Variants in ANAPC10 observed in about 807,000 individuals in gnomAD.
ANAPC10 encodes anaphase-promoting complex subunit 10.
ANAPC10 carries 12 observed loss-of-function variants against 22.0 expected under a neutral mutation model. That is an observed-to-expected ratio of 0.55 (90% CI 0.35 to 0.88). The LOEUF (loss-of-function observed/expected upper bound fraction) is 0.88. ANAPC10 is among the 40% of genes least tolerant of loss of function. ANAPC10 has a pLI of 0.01. For missense variants in ANAPC10, 188 were observed against 220.9 expected (o/e 0.85, Z 0.94); for synonymous variants, 65 against 69.5 (o/e 0.94, Z 0.32).
At chr4:145,044,622 A>G (rs1025523724) in intron 4 of ANAPC10, among the ~76,000 whole-genome samples, 2 of 152,048 alleles carry the variant, frequency 1.3e-5, no homozygotes, top group African/African-American at 2.4e-5. Flanking sequence ...AAGTGTTTCT[A>G]TTATACTGAC....
chr4:145,050,146 G>C (rs1156950229), intron 4 of ANAPC10, among the ~76,000 whole-genome samples: 1 of 152,164 alleles, frequency 6.6e-6, no homozygotes, highest in African/African-American at 2.4e-5. Context: ...AAATGTATAA[G>C]ACTTGGAAGT....
intron 4 of ANAPC10, among the ~76,000 whole-genome samples, chr4:144,997,086 T>C (rs913716747): frequency 1.3e-5 from 2 of 152,186 alleles, no homozygotes; most frequent in African/African-American, 4.8e-5. Flanking sequence ...TATGGTACTA[T>C]GTGAAAAGAC....
rs7661646 is a variant in ANAPC10 at position 145,030,002 on chromosome 4, G to C, written c.328-34399C>G. On this transcript the variant is annotated intron_variant, in intron 4 of 4. Transcript: ENST00000507656. ...GGAATAATTGAATCCCAAGGTGGCA[G>C]GCGCTAAGTGGCAGCACTCAATCAT... 8.8e-3 allele frequency among the ~76,000 whole-genome samples: 1,343 copies of C among 152,244 alleles called. 20 individuals are homozygous for C. Among genetic ancestry groups the C allele is most frequent in the African/African-American group, 0.03 (1,262 of 41,500 alleles).
intron 4 of ANAPC10, among the ~76,000 whole-genome samples, chr4:145,019,577 G>T (rs887774033): frequency 7.2e-5 from 11 of 151,904 alleles, no homozygotes; most frequent in Non-Finnish European, 1.5e-4. Context: ...CCCAGCAGAA[G>T]AAAGGAAATG....
intron 3 of ANAPC10, among the ~76,000 whole-genome samples, chr4:145,077,153 C>A (rs368971108): frequency 1.3e-4 from 19 of 151,968 alleles, no homozygotes; most frequent in African/African-American, 4.6e-4. Context: ...GAGCCGAGAT[C>A]GTGCCACTGC....
chr4:144,997,778 A>G (rs184642363), intron 4 of ANAPC10, among the ~76,000 whole-genome samples: 145 of 152,304 alleles, frequency 9.5e-4, no homozygotes, highest in African/African-American at 3.4e-3. Flanking sequence ...TGAAAGACAC[A>G]GACTGGCAAA....
intron 4 of ANAPC10, among the ~76,000 whole-genome samples, chr4:145,040,151 G>A (rs886472813): frequency 2.0e-5 from 3 of 151,752 alleles, no homozygotes; most frequent in Admixed American, 1.3e-4. Context: ...GTGTGTGTGT[G>A]TGTGTGTGTG....
At position 145,097,111 on chromosome 4, in the gene ANAPC10, G is replaced by A. The variant is rs538771814; in HGVS notation, c.-12-1000C>T. 6 of 202,260 alleles carry A rather than the reference G, an allele frequency of 3.0e-5. No individual in the cohort carries two copies. In the East Asian group the frequency reaches 9.4e-4, roughly 32 times the overall value. 12.5% of individuals were successfully genotyped at this position (202,260 alleles called of 1,614,324 possible). A position where few individuals can be genotyped will look rare whatever the true frequency, so the allele number is the denominator to read the frequency against. On this transcript the variant is annotated intron_variant, in intron 1 of 4. Coordinates refer to ENST00000507656, the MANE Select transcript of ANAPC10 (RefSeq NM_001256706.2). The stretch of plus-strand genomic sequence containing the variant: ...TGTAGTCCCAGGGGGGCTGAGACAG[G>A]AGGATCACCTGAACTGGGAGGCGGA...
chr4:145,026,164 A>G (rs1736628261), intron 4 of ANAPC10, among the ~76,000 whole-genome samples: 1 of 152,176 alleles, frequency 6.6e-6, no homozygotes, highest in African/African-American at 2.4e-5. Context: ...AGGCCAGAGA[A>G]TGCATTATTA....
chr4:145,051,107 C>T (rs1407538635), intron 4 of ANAPC10, among the ~76,000 whole-genome samples: 3 of 152,146 alleles, frequency 2.0e-5, no homozygotes, highest in African/African-American at 7.2e-5. Context: ...GAAACTCTTC[C>T]TTTCACTTAA....
chr4:145,028,907 A>G lies in ANAPC10; in HGVS notation c.328-33304T>C, dbSNP rs557485110. Among the ~76,000 whole-genome samples, 5 of 152,306 alleles carry G rather than the reference A, an allele frequency of 3.3e-5. No homozygotes were observed. The East Asian group carries it at 9.6e-4, about 29-fold the overall frequency. On this transcript the variant is annotated intron_variant, in intron 4 of 4. Transcript: ENST00000507656. ...CTAACTCCTGGCTTCAGAAGCAGGT[A>G]TTAACCCCTCAAATCTGCTAAGACT...
At chr4:145,065,785 G>C (rs1743586059) in intron 3 of ANAPC10, among the ~76,000 whole-genome samples, 1 of 151,790 alleles carries the variant, frequency 6.6e-6, no homozygotes, top group Admixed American at 6.6e-5. Flanking sequence ...ACATTTGGGG[G>C]AAAACAACAA....
chr4:145,068,837 G>C (rs1169496787), intron 3 of ANAPC10, among the ~76,000 whole-genome samples: 2 of 152,208 alleles, frequency 1.3e-5, no homozygotes, highest in African/African-American at 4.8e-5. Context: ...TTGAACCCAG[G>C]AGGTGGAGGT....
chr4:145,032,540 A>C (rs1553968271), intron 4 of ANAPC10, among the ~76,000 whole-genome samples: 1 of 152,192 alleles, frequency 6.6e-6, no homozygotes, highest in Admixed American at 6.5e-5. Flanking sequence ...TAATAATCAC[A>C]TGGATAGGAT....
intron 4 of ANAPC10, among the ~76,000 whole-genome samples, chr4:145,047,718 T>A (rs1183615137): frequency 6.6e-6 from 1 of 152,190 alleles, no homozygotes; most frequent in Non-Finnish European, 1.5e-5. Context: ...ATGCCTTTCA[T>A]TAAATTTCCT....
chr4:145,025,337 C>A (rs1185803287), intron 4 of ANAPC10, among the ~76,000 whole-genome samples: 2 of 149,946 alleles, frequency 1.3e-5, no homozygotes, highest in Admixed American at 1.3e-4. Context: ...AACACGCCCC[C>A]CCCCCCTTTT....
chr4:144,997,235 G>A (rs924255649), intron 4 of ANAPC10, among the ~76,000 whole-genome samples: 3 of 152,012 alleles, frequency 2.0e-5, no homozygotes, highest in Admixed American at 2.0e-4. Flanking sequence ...GAAATACAGA[G>A]AACACCACAA....
intron 4 of ANAPC10, chr4:145,035,560 G>A (rs1372499924): frequency 6.6e-6 from 1 of 152,222 alleles, no homozygotes; most frequent in Non-Finnish European, 1.5e-5. Flanking sequence ...CCTAGGTCAG[G>A]TGAGTGTTTA....
intron 4 of ANAPC10, among the ~76,000 whole-genome samples, chr4:145,028,704 T>G (rs373329577): frequency 4.3e-4 from 65 of 152,250 alleles, no homozygotes; most frequent in African/African-American, 1.5e-3. Context: ...TTTAGAGAGT[T>G]ATGCAAAATA....
Sources: gnomAD v4.1 joint callset for allele counts (sites outside exome capture counted in the v4.1 genomes callset) on GRCh38, gnomAD v4.1.1 for gene constraint, MANE v1.5 for transcripts, NCBI Gene and HGNC (gene_info 2026-07-23, HGNC 2026-07-21) for gene names.